Variants in CADPS2 observed in about 807,000 individuals in gnomAD.
CADPS2 encodes the protein calcium-dependent secretion activator 2.
Under a neutral mutation model 172.5 loss-of-function variants are expected in CADPS2, and 93 were observed. The ratio of observed to expected loss-of-function variants is 0.54; its 90% confidence interval spans 0.46 to 0.64. The LOEUF (loss-of-function observed/expected upper bound fraction) is 0.64, where lower values mean the gene tolerates loss of function less well. CADPS2 is among the 30% of genes least tolerant of loss of function. The pLI is 0.00. For missense variants in CADPS2, 1,420 were observed against 1,565.9 expected (o/e 0.91, Z 1.57); for synonymous variants, 546 against 555.2 (o/e 0.98, Z 0.23).
intron 1 of CADPS2, among the ~76,000 whole-genome samples, chr7:122,778,234 C>T (rs936862610): frequency 6.6e-6 from 1 of 152,128 alleles, no homozygotes; most frequent in Non-Finnish European, 1.5e-5. Context: ...CATTTTGCCC[C>T]TGCCCTAGAG....
intron 15 of CADPS2, among the ~76,000 whole-genome samples, chr7:122,448,927 A>AG (rs1196794998): frequency 2.6e-5 from 4 of 152,120 alleles, no homozygotes; most frequent in African/African-American, 9.7e-5. Flanking sequence ...TGTGAGATAA[A>AG]GAAAAAAAAA....
intron 1 of CADPS2, among the ~76,000 whole-genome samples, chr7:122,753,610 C>T (rs1427254925): frequency 6.6e-6 from 1 of 152,124 alleles, no homozygotes; most frequent in Non-Finnish European, 1.5e-5. Flanking sequence ...TAAATGGAGA[C>T]ATTTTGAAAG....
chr7:122,443,031 C>A (rs1352177526), intron 15 of CADPS2, among the ~76,000 whole-genome samples: 1 of 152,118 alleles, frequency 6.6e-6, no homozygotes, highest in African/African-American at 2.4e-5. Flanking sequence ...AAATTGGGTT[C>A]TTGTAGTCCC....
intron 9 of CADPS2, among the ~76,000 whole-genome samples, chr7:122,501,525 G>A (rs1323535134): frequency 1.3e-5 from 2 of 152,030 alleles, no homozygotes; most frequent in East Asian, 3.9e-4. Flanking sequence ...CATGGATGAG[G>A]GAAGTAACTT....
chr7:122,656,975 T>C (rs2079878814), intron 3 of CADPS2, among the ~76,000 whole-genome samples: 1 of 152,210 alleles, frequency 6.6e-6, no homozygotes, highest in Non-Finnish European at 1.5e-5. Flanking sequence ...CATCTGGAAT[T>C]AATTTTTGTA....
chr7:122,605,560 C>T (rs936985374), intron 6 of CADPS2, among the ~76,000 whole-genome samples: 1 of 152,026 alleles, frequency 6.6e-6, no homozygotes. Flanking sequence ...GATTTCATTT[C>T]CTCCAGAAAC....
Position 122,621,774 on chromosome 7 carries a change from T to C in CADPS2, c.868-57A>G, listed in dbSNP as rs553673828. On this transcript the variant is annotated intron_variant, in intron 4 of 29. Transcript: ENST00000449022. ...CATAAGTCATATTTCAATTTTATCATACAAAATTGTATGATATATATACTT... is the reference window on the plus strand; with the variant it reads ...CATAAGTCATATTTCAATTTTATCACACAAAATTGTATGATATATATACTT... The C allele has an allele frequency of 5.6e-5, 54 of 959,656 alleles. 1 individual carries two copies. In the South Asian group the frequency reaches 6.0e-4, roughly 11 times the overall value. 59.4% of individuals were successfully genotyped at this position (959,656 alleles called of 1,614,324 possible).
chr7:122,454,237 C>T (rs1395303029), intron 14 of CADPS2, among the ~76,000 whole-genome samples: 2 of 152,118 alleles, frequency 1.3e-5, no homozygotes, highest in African/African-American at 4.8e-5. Context: ...GTATTTTGTA[C>T]TGGCTATCTT....
chr7:122,616,306 A>C (rs2074913667), intron 5 of CADPS2, among the ~76,000 whole-genome samples: 1 of 152,108 alleles, frequency 6.6e-6, no homozygotes, highest in Non-Finnish European at 1.5e-5. Flanking sequence ...TCATAAACAT[A>C]ATCTGTATCA....
intron 9 of CADPS2, among the ~76,000 whole-genome samples, chr7:122,510,780 A>C (rs1474012184): frequency 6.6e-6 from 1 of 152,180 alleles, no homozygotes; most frequent in Non-Finnish European, 1.5e-5. Flanking sequence ...TAAAAATATT[A>C]ATAAAAACTA....
At chr7:122,708,468 A>G (rs1393906289) in intron 2 of CADPS2, among the ~76,000 whole-genome samples, 1 of 132,690 alleles carries the variant, frequency 7.5e-6, no homozygotes, top group East Asian at 2.1e-4. Context: ...GTGGATATAT[A>G]TATATATATA....
chr7:122,436,782 CAG>C (rs1389882069), intron 17 of CADPS2, among the ~76,000 whole-genome samples: 1 of 152,056 alleles, frequency 6.6e-6, no homozygotes, highest in Non-Finnish European at 1.5e-5. Context: ...TCTTGTCTAA[CAG>C]AGACTTGTTT....
At chr7:122,633,084 T>A (rs2076732896) in intron 3 of CADPS2, among the ~76,000 whole-genome samples, 1 of 152,180 alleles carries the variant, frequency 6.6e-6, no homozygotes, top group African/African-American at 2.4e-5. Flanking sequence ...TACGATGCTG[T>A]TTTGGTTACT....
chr7:122,708,693 T>C (rs1167503031), intron 2 of CADPS2, among the ~76,000 whole-genome samples: 2 of 151,492 alleles, frequency 1.3e-5, no homozygotes, highest in East Asian at 3.9e-4. Context: ...ATAAACTAAA[T>C]TAAACTCTCT....
In CADPS2 at chr7:122,663,208, G is replaced by C. The variant is rs755784296; in HGVS notation, c.786+29C>G. 5.0e-5 allele frequency: 74 copies of C among 1,483,048 alleles called. 2 individuals are homozygous for C. In the South Asian group the frequency reaches 8.0e-4, roughly 16 times the overall value. The allele number at this position is 1,483,048 out of a possible 1,614,324, so 91.9% of individuals were successfully genotyped here. On this transcript the variant is annotated intron_variant, in intron 3 of 29. Coordinates refer to ENST00000449022, the MANE Select transcript of CADPS2 (RefSeq NM_017954.11). The stretch of plus-strand genomic sequence containing the variant: ...CATGTTCATTCCACGAGTCAGACAG[G>C]GGAAGGGAAAATATCAGAGACCACT...
chr7:122,731,867 A>C (rs1470464714), intron 2 of CADPS2, among the ~76,000 whole-genome samples: 3 of 151,722 alleles, frequency 2.0e-5, no homozygotes, highest in African/African-American at 7.2e-5. Flanking sequence ...TAGGTGGTTT[A>C]GATATTTGGG....
intron 1 of CADPS2, among the ~76,000 whole-genome samples, chr7:122,809,385 T>C (rs1450583612): frequency 6.8e-6 from 1 of 146,372 alleles, no homozygotes; most frequent in Non-Finnish European, 1.5e-5. Context: ...CTGGCCAAGA[T>C]GGTGAAACCC....
intron 19 of CADPS2, among the ~76,000 whole-genome samples, chr7:122,411,088 T>A (rs1344521874): frequency 1.3e-5 from 2 of 151,572 alleles, no homozygotes; most frequent in Non-Finnish European, 3.0e-5. Flanking sequence ...GCCTATCATC[T>A]CTCTCTCTCT....
chr7:122,741,340 G>T lies in CADPS2; in HGVS notation c.340-4272C>A, dbSNP rs1038068121. Reference sequence around the variant, plus strand: ...GGAAGAAGGATGGCTGTGGGAACTGGACAGACAGAAAATACAGGTAAAAGA... The same window carrying T: ...GGAAGAAGGATGGCTGTGGGAACTGTACAGACAGAAAATACAGGTAAAAGA... On this transcript the variant is annotated intron_variant, in intron 1 of 29. Coordinates refer to ENST00000449022, the MANE Select transcript of CADPS2 (RefSeq NM_017954.11). Among the ~76,000 whole-genome samples the T allele has an allele frequency of 3.9e-5, 6 of 152,140 alleles. No homozygotes were observed. The East Asian group carries it at 9.6e-4, about 24-fold the overall frequency.
Sources: allele counts gnomAD v4.1 joint callset (sites outside exome capture counted in the v4.1 genomes callset), GRCh38; gene constraint gnomAD v4.1.1; transcripts MANE v1.5; gene names NCBI Gene and HGNC (gene_info 2026-07-23, HGNC 2026-07-21).